CCNY: variants seen among roughly 807,000 people sequenced by gnomAD.
CCNY encodes the protein cyclin-Y.
In CCNY, 19 loss-of-function variants were observed where a neutral mutation model predicts 42.8. The ratio of observed to expected loss-of-function variants is 0.44; its 90% CI spans 0.31 to 0.65. The LOEUF (loss-of-function observed/expected upper bound fraction) is 0.65. CCNY is among the 30% of genes least tolerant of loss of function. The probability of loss-of-function intolerance (pLI) is 0.07; values close to 1 mark genes in which losing one functional copy is unlikely to be tolerated. For synonymous variants in CCNY, 165 were observed against 162.7 expected, an observed-to-expected ratio of 1.01 and a Z score of -0.11; for missense variants, 370 against 437.3, an observed-to-expected ratio of 0.85 and a Z score of 1.37.
At chr10:35,368,624 T>G (rs1488756311) in intron 1 of CCNY, among the ~76,000 whole-genome samples, 2 of 138,814 alleles carry the variant, frequency 1.4e-5, no homozygotes, top group East Asian at 3.9e-4. Context: ...AGAGACACAG[T>G]GACTCCTCCT....
chr10:35,252,347 C>A (rs182037371), intron 3 of CCNY, among the ~76,000 whole-genome samples: 11 of 151,900 alleles, frequency 7.2e-5, no homozygotes, highest in African/African-American at 2.7e-4. Flanking sequence ...GGGCAGATGA[C>A]GAGGTCAGGA....
chr10:35,417,214 C>T (rs116786185), intron 1 of CCNY, among the ~76,000 whole-genome samples: 436 of 152,250 alleles, frequency 2.9e-3, no homozygotes, highest in African/African-American at 0.01. Flanking sequence ...GCTTTTCTGT[C>T]GAGGAGGTAT....
chr10:35,311,094 C>T (rs1469918835), intron 3 of CCNY, among the ~76,000 whole-genome samples: 1 of 152,096 alleles, frequency 6.6e-6, no homozygotes, highest in Admixed American at 6.6e-5. Context: ...AGGAGGATTG[C>T]TTGAGGCCAG....
intron 1 of CCNY, among the ~76,000 whole-genome samples, chr10:35,360,288 C>T (rs1381162788): frequency 9.0e-5 from 9 of 99,866 alleles, no homozygotes; most frequent in East Asian, 5.6e-4. Context: ...CTTTTCTTTT[C>T]TTTTTTTTTT....
At chr10:35,489,230 G>A (rs982659809) in intron 2 of CCNY, among the ~76,000 whole-genome samples, 84 of 152,320 alleles carry the variant, frequency 5.5e-4, no homozygotes, top group Admixed American at 5.4e-3. Context: ...TTGGTGAGAT[G>A]CCTCTATGGG....
chr10:35,287,832 T>C (rs1027001780), intron 3 of CCNY, among the ~76,000 whole-genome samples: 1 of 152,196 alleles, frequency 6.6e-6, no homozygotes, highest in African/African-American at 2.4e-5. Flanking sequence ...ATTTTTGTTT[T>C]TTAAGTAGAG....
intron 1 of CCNY, among the ~76,000 whole-genome samples, chr10:35,471,016 A>G (rs565157449): frequency 6.6e-6 from 1 of 152,320 alleles, no homozygotes; most frequent in South Asian, 2.1e-4. Flanking sequence ...AGGAAATAGA[A>G]CTAGTGATGT....
At position 35,484,149 on chromosome 10, in the gene CCNY, A is replaced by G. The variant is rs150503474; in HGVS notation, c.229+671A>G. 3.9e-3 allele frequency among the ~76,000 whole-genome samples: 596 copies of G among 152,314 alleles called. 5 individuals carry two copies. The highest frequency in any genetic ancestry group is 0.014 in the African/African-American group (579 of 41,566). ...ACATCTTCATTGGATTCCTATAGAA[A>G]AAGGTGGCAGGAGAAACTCGTTAAA... On this transcript the variant is annotated intron_variant, in intron 2 of 9. Transcript: ENST00000374704.
intron 1 of CCNY, among the ~76,000 whole-genome samples, chr10:35,452,690 TAAAAG>T (rs1043471713): frequency 1.3e-5 from 2 of 151,278 alleles, no homozygotes; most frequent in Non-Finnish European, 2.9e-5. Context: ...TCAGTATACT[TAAAAG>T]GAAAGGTTAT....
At chr10:35,452,525 C>G (rs908609156) in intron 1 of CCNY, among the ~76,000 whole-genome samples, 1 of 152,100 alleles carries the variant, frequency 6.6e-6, no homozygotes, top group African/African-American at 2.4e-5. Context: ...AACCTTTACT[C>G]GTGTAATTTT....
At chr10:35,335,407 A>T (rs1050868439), upstream of CCNY, among the ~76,000 whole-genome samples, 3 of 152,166 alleles carry the variant, frequency 2.0e-5, no homozygotes, top group Admixed American at 1.3e-4. Flanking sequence ...CCTCCAAGGA[A>T]CTCAAAACAA....
chr10:35,501,741 T>C (rs915462538), intron 3 of CCNY: 4 of 521,886 alleles, frequency 7.7e-6, no homozygotes, highest in Non-Finnish European at 1.4e-5. Context: ...CCAGAAGCCC[T>C]AGACCACTAT....
rs1363859753 is a variant in CCNY at position 35,336,558 on chromosome 10, C to A, written c.-496C>A. On this transcript the variant is annotated 5_prime_UTR_variant, in exon 1 of 10. Transcript: ENST00000374704. ...CGCCGCGAGGAGTCCGGGGGCTGCG[C>A]CCACGCCCGCTGCCCGCCCGCTCGT... is the stretch of plus-strand genomic sequence containing the variant. Among the ~76,000 whole-genome samples the A allele has an allele frequency of 1.3e-5, 2 of 148,956 alleles. No individual in the cohort carries two copies. Among genetic ancestry groups the A allele is most frequent in the Non-Finnish European group, 3.0e-5 (2 of 66,810 alleles).
rs187737563 is a variant in CCNY, at chr10:35,362,719, C to T, written c.154+25512C>T. Among the ~76,000 whole-genome samples, 356 of 152,306 alleles carry T rather than the reference C, an allele frequency of 2.3e-3. 1 individual carries two copies. The highest frequency in any genetic ancestry group is 6.8e-3 in the Admixed American group (104 of 15,302). Reference sequence around the variant, plus strand: ...TGGAGGGTTGCACAGCAGCCAGAGGCGCTCCTCACTTCCCAGACGGGGCTG... The same window carrying T: ...TGGAGGGTTGCACAGCAGCCAGAGGTGCTCCTCACTTCCCAGACGGGGCTG... On this transcript the variant is annotated intron_variant, in intron 1 of 9. Coordinates refer to ENST00000374704, the MANE Select transcript of CCNY (RefSeq NM_145012.6).
chr10:35,339,658 T>A (rs1190965177), intron 1 of CCNY, among the ~76,000 whole-genome samples: 1 of 152,216 alleles, frequency 6.6e-6, no homozygotes, highest in African/African-American at 2.4e-5. Flanking sequence ...TCATGGGTCT[T>A]CTATGATAGG....
chr10:35,306,843 C>T (rs534240384), intron 3 of CCNY, among the ~76,000 whole-genome samples: 3 of 152,226 alleles, frequency 2.0e-5, no homozygotes, highest in African/African-American at 7.2e-5. Context: ...AAAGTTTTAT[C>T]TTAGGGGGCC....
chr10:35,478,946 G>A (rs1450820043), intron 1 of CCNY, among the ~76,000 whole-genome samples: 1 of 152,142 alleles, frequency 6.6e-6, no homozygotes, highest in East Asian at 1.9e-4. Flanking sequence ...GTGGGTGAAG[G>A]ACATGAACAG....
chr10:35,506,203 C>A (rs1258802687), intron 3 of CCNY, among the ~76,000 whole-genome samples: 1 of 152,004 alleles, frequency 6.6e-6, no homozygotes, highest in Non-Finnish European at 1.5e-5. Context: ...TTTTAAAAAT[C>A]CAATAAGATT....
At position 35,313,605 on chromosome 10, in the gene CCNY, C is replaced by T. The variant is rs536481114; in HGVS notation, c.-9+62979C>T. On this transcript the variant is annotated intron_variant, in intron 3 of 11. Transcript: ENST00000374706. ...ACCCAGTGTGCCCAAGCCCAATCTA[C>T]ACAACCATCCAGTCAACTCAGAGTA... is the stretch of plus-strand genomic sequence containing the variant. Among the ~76,000 whole-genome samples the T allele has an allele frequency of 1.4e-3, 206 of 152,330 alleles. 1 individual carries two copies. Among genetic ancestry groups the T allele is most frequent in the Non-Finnish European group, 2.5e-3 (169 of 68,028 alleles).
Sources: gnomAD v4.1 joint callset for allele counts (sites outside exome capture counted in the v4.1 genomes callset) on GRCh38, gnomAD v4.1.1 for gene constraint, MANE v1.5 for transcripts, NCBI Gene and HGNC (gene_info 2026-07-23, HGNC 2026-07-21) for gene names.